TRAM2: variants seen among roughly 807,000 people sequenced by gnomAD.
TRAM2 encodes the protein translocation associated membrane protein 2.
A neutral mutation model predicts 51.0 loss-of-function variants in TRAM2; 12 were observed. The ratio of observed to expected loss-of-function variants is 0.24; its 90% CI spans 0.15 to 0.38. The LOEUF (loss-of-function observed/expected upper bound fraction) is 0.38. Ranked by LOEUF, TRAM2 falls within the 10% of genes least tolerant of loss-of-function variation. The pLI, the probability that TRAM2 is intolerant of heterozygous loss-of-function variation, is 1.00. For missense variants in TRAM2, 361 were observed against 462.0 expected, an observed-to-expected ratio of 0.78 and a Z score of 2.00; for synonymous variants, 175 against 179.4, an observed-to-expected ratio of 0.98 and a Z score of 0.20.
At chr6:52,524,863 A>T (rs2114077723) in intron 2 of TRAM2, 1 of 152,206 alleles carries the variant, frequency 6.6e-6, no homozygotes, top group East Asian at 1.9e-4. Context: ...TGTCTCAGTT[A>T]ACCCTTCTGA....
At chr6:52,570,797 C>CT (rs201203133) in intron 1 of TRAM2, among the ~76,000 whole-genome samples, 2 of 112,930 alleles carry the variant, frequency 1.8e-5, no homozygotes, top group Non-Finnish European at 3.7e-5. Context: ...TGCCCACCAC[C>CT]CCCCCCCCCA....
At chr6:52,509,436 TG>T in intron 5 of TRAM2, 91 bp downstream of exon 5, 1 of 1,258,000 alleles carries the variant, frequency 7.9e-7, no homozygotes. Context: ...TCAGGCCAGC[TG>T]GGCCTGTGGT....
Position 52,504,744 on chromosome 6 carries a change from G to A in TRAM2, c.886C>T (p.Leu296=). The part of the protein sequence containing the change: ...FNTLFCRLCV[L]LLVCAAQAWL... ...GCCTGGGCGGCACACACCAGCAGCA[G>A]CACGCAGAGCCTGCAGAGCAGGGGG... The change falls in exon 10 of 11, where the codon CTG becomes TTG. Residue 296 remains leucine (L), a synonymous_variant. Transcript: ENST00000182527. 1 of 1,605,908 alleles carries A rather than the reference G, an allele frequency of 6.2e-7. No homozygotes were observed. Among genetic ancestry groups the A allele is most frequent in the Non-Finnish European group, 8.5e-7 (1 of 1,177,576 alleles).
intron 2 of TRAM2, among the ~76,000 whole-genome samples, chr6:52,533,094 G>A (rs1347736561): frequency 1.3e-5 from 2 of 151,940 alleles, no homozygotes; most frequent in Non-Finnish European, 2.9e-5. Context: ...GGGGGCTAGA[G>A]GGGGTGGGGA....
At chr6:52,534,305 C>T (rs1030957020) in intron 2 of TRAM2, among the ~76,000 whole-genome samples, 6 of 152,060 alleles carry the variant, frequency 3.9e-5, no homozygotes, top group South Asian at 4.1e-4. Flanking sequence ...CGCTTCAACC[C>T]GGGAGGTGGA....
At chr6:52,539,765 G>A (rs1259286605) in intron 1 of TRAM2, among the ~76,000 whole-genome samples, 1 of 152,148 alleles carries the variant, frequency 6.6e-6, no homozygotes. Flanking sequence ...TGACTAAGCA[G>A]GAGAGAGTCG....
intron 4 of TRAM2, among the ~76,000 whole-genome samples, chr6:52,515,675 C>CAGTGTTTGTAG (rs1178064251): frequency 6.6e-6 from 1 of 152,170 alleles, no homozygotes; most frequent in Non-Finnish European, 1.5e-5. Context: ...TCTTATGGGA[C>CAGTGTTTGTAG]AGTGTTTGTA....
intron 1 of TRAM2, among the ~76,000 whole-genome samples, chr6:52,557,626 G>C (rs1180020675): frequency 6.6e-6 from 1 of 152,184 alleles, no homozygotes; most frequent in Admixed American, 6.5e-5. Flanking sequence ...ATGAGAAATG[G>C]AGAATCAGGG....
intron 2 of TRAM2, among the ~76,000 whole-genome samples, chr6:52,534,487 C>T (rs1463168059): frequency 6.6e-6 from 1 of 152,154 alleles, no homozygotes; most frequent in Admixed American, 6.5e-5. Flanking sequence ...AGGACTTTGC[C>T]ACTGAGAAAG....
chr6:52,503,368 C>T (rs1285723501), intron 10 of TRAM2, 98 bp from the exon 11 acceptor site: 6 of 1,092,852 alleles, frequency 5.5e-6, no homozygotes, highest in Non-Finnish European at 8.4e-6. Flanking sequence ...GCCCGGGCAG[C>T]CCAGCTGCTA....
rs1044975984 is a variant in TRAM2 at position 52,516,083 on chromosome 6, T to C, written c.334A>G (p.Ser112Gly). 6.2e-7 allele frequency: 1 copy of C among 1,614,226 alleles called. No homozygotes were observed. Among genetic ancestry groups the C allele is most frequent in the Admixed American group, 1.7e-5 (1 of 60,028 alleles). ...KRLHLSKVKH[S>G]KFNESGQLVV... ...AGCTGTCCAGATTCATTGAACTTGC[T>C]GTGTTTGACTTTGGAGAGATGAAGC... Residue 112 changes from serine (S) to glycine (G), a missense_variant, in exon 4 of 11, where the codon AGC becomes GGC. By Grantham distance (56) the Ser-to-Gly change is moderately conservative. Coordinates refer to ENST00000182527, the MANE Select transcript of TRAM2 (RefSeq NM_012288.4).
chr6:52,511,647 C>T (rs1304561771), intron 4 of TRAM2, among the ~76,000 whole-genome samples: 4 of 152,130 alleles, frequency 2.6e-5, no homozygotes, highest in Admixed American at 2.6e-4. Context: ...GTTGTATTTC[C>T]AAGTGAGGGC....
chr6:52,514,220 A>C (rs1314514451), intron 4 of TRAM2, among the ~76,000 whole-genome samples: 2 of 152,164 alleles, frequency 1.3e-5, no homozygotes, highest in African/African-American at 2.4e-5. Flanking sequence ...GAGAAAGAAG[A>C]GTCATGAAAA....
chr6:52,511,280 C>T (rs1766447582), intron 4 of TRAM2, among the ~76,000 whole-genome samples: 1 of 152,084 alleles, frequency 6.6e-6, no homozygotes, highest in Non-Finnish European at 1.5e-5. Flanking sequence ...ATTTTTTGTA[C>T]TTTTAGCAGA....
intron 1 of TRAM2, among the ~76,000 whole-genome samples, chr6:52,568,238 G>A (rs557153328): frequency 5.9e-5 from 9 of 152,174 alleles, no homozygotes; most frequent in East Asian, 3.8e-4. Flanking sequence ...AAGGGCACAC[G>A]TTCCAGCCAT....
At chr6:52,555,591 T>C (rs1767391399) in intron 1 of TRAM2, among the ~76,000 whole-genome samples, 1 of 152,230 alleles carries the variant, frequency 6.6e-6, no homozygotes, top group Non-Finnish European at 1.5e-5. Context: ...CAATATGGTA[T>C]TCTGTAAGCT....
chr6:52,568,891 C>T (rs1767631702), intron 1 of TRAM2, among the ~76,000 whole-genome samples: 1 of 152,234 alleles, frequency 6.6e-6, no homozygotes, highest in African/African-American at 2.4e-5. Flanking sequence ...AGTCCTCTTT[C>T]CATTTCAAAG....
intron 1 of TRAM2, among the ~76,000 whole-genome samples, chr6:52,557,611 T>A (rs1049663379): frequency 6.6e-6 from 1 of 152,144 alleles, no homozygotes; most frequent in South Asian, 2.1e-4. Flanking sequence ...CCATGTGACA[T>A]GGCAATGAGA....
At chr6:52,522,093 T>C (rs1766687540) in intron 2 of TRAM2, among the ~76,000 whole-genome samples, 2 of 152,288 alleles carry the variant, frequency 1.3e-5, no homozygotes, top group Admixed American at 1.3e-4. Context: ...TTTCCACTGC[T>C]TTTCTTTAAA....
Sources: gnomAD v4.1 joint callset for allele counts (sites outside exome capture counted in the v4.1 genomes callset) on GRCh38, gnomAD v4.1.1 for gene constraint, MANE v1.5 for transcripts, NCBI Gene and HGNC (gene_info 2026-07-23, HGNC 2026-07-21) for gene names.